Variants in KIFC1 observed in about 807,000 individuals in gnomAD.
KIFC1 encodes kinesin family member C1, also known as kinesin-like protein KIFC1.
In KIFC1, 37 loss-of-function variants were observed where a neutral mutation model predicts 66.6. The ratio of observed to expected loss-of-function variants is 0.56; its 90% CI spans 0.43 to 0.73. The LOEUF (loss-of-function observed/expected upper bound fraction) is 0.73, where lower values mean the gene tolerates loss of function less well. Among genes scored for constraint, KIFC1 ranks in the 30% least tolerant of loss-of-function variants. The pLI, the probability that KIFC1 is intolerant of heterozygous loss-of-function variation, is 0.00. For missense variants in KIFC1, 721 were observed against 859.8 expected (o/e 0.84, Z 2.02); for synonymous variants, 325 against 343.5 (o/e 0.95, Z 0.60).
At chr6:33,396,604 G>A (rs551578517) in intron 1 of KIFC1, among the ~76,000 whole-genome samples, 2 of 151,350 alleles carry the variant, frequency 1.3e-5, no homozygotes, top group African/African-American at 4.9e-5. Flanking sequence ...CATCTGGTTC[G>A]CTAAGGTGGA....
chr6:33,393,387 T>C (rs1349396396), intron 1 of KIFC1, among the ~76,000 whole-genome samples: 1 of 150,842 alleles, frequency 6.6e-6, no homozygotes, highest in Non-Finnish European at 1.5e-5. Flanking sequence ...AGCAGAGAGA[T>C]AAGATTTGTT....
At chr6:33,399,037 T>C (rs1197080543) in intron 3 of KIFC1, among the ~76,000 whole-genome samples, 4 of 152,346 alleles carry the variant, frequency 2.6e-5, no homozygotes, top group South Asian at 2.1e-4. Flanking sequence ...TGGAGTACAG[T>C]TGGCCCTCTG....
chr6:33,404,750 T>A lies in KIFC1; in HGVS notation c.757-102T>A. 1 of 1,091,824 alleles carries A rather than the reference T, an allele frequency of 9.2e-7. No individual in the cohort carries two copies. The highest frequency in any genetic ancestry group is 1.3e-6 in the Non-Finnish European group (1 of 752,206). The allele number at this position is 1,091,824 out of a possible 1,614,324, so 67.6% of individuals were successfully genotyped here. On this transcript the variant is annotated intron_variant, in intron 6 of 10. Transcript: ENST00000428849. This position sits in a 1 kb window ranked among gnomAD's most constrained non-coding sequence, Gnocchi z 4.0. ...TGTTTACCAGACTTTGAGGTCCTTT[T>A]GAGCAGGGACCTCACTTCCACCCAC...
chr6:33,408,076 C>A (rs186201168), intron 10 of KIFC1, among the ~76,000 whole-genome samples: 1 of 152,310 alleles, frequency 6.6e-6, no homozygotes, highest in Admixed American at 6.5e-5. Flanking sequence ...TTTTTTCTAA[C>A]TTTTTATTAA....
chr6:33,397,367 G>A (rs1287583191), intron 1 of KIFC1, among the ~76,000 whole-genome samples: 2 of 145,554 alleles, frequency 1.4e-5, no homozygotes, highest in Non-Finnish European at 1.5e-5. Context: ...GCGTGATCTC[G>A]GCTCACCGCA....
Position 33,400,208 on chromosome 6 carries a change from G to A in KIFC1, c.250+1821G>A, listed in dbSNP as rs1042785564. 5.2e-6 allele frequency: 8 copies of A among 1,553,290 alleles called. No individual in the cohort carries two copies. Among genetic ancestry groups the A allele is most frequent in the East Asian group, 2.2e-5 (1 of 44,484 alleles). On this transcript the variant is annotated intron_variant, in intron 3 of 10. Coordinates refer to ENST00000428849, the MANE Select transcript of KIFC1 (RefSeq NM_002263.4). The surrounding 1 kb of genome is among the most constrained non-coding windows in gnomAD (Gnocchi z 4.3). ...AGTTCTCTGGCTAAGGATCGGTGCC[G>A]CATCTGTCGAGCAATGTTGACGATC...
chr6:33,398,151 C>T lies in KIFC1; in HGVS notation c.135C>T (p.Gly45=). Residue 45 remains glycine, a synonymous_variant, in exon 2 of 11, where the codon GGC becomes GGT. Transcript: ENST00000428849. ...GGAGGCCTGACCAGATGGAAGATGG[C>T]CTGGAGCCTGAGAAGGTGAGCTGGG... ...LKRRPDQMED[G]LEPEKKRTRG... The T allele has an allele frequency of 1.2e-6, 2 of 1,614,098 alleles. No homozygotes were observed. Among genetic ancestry groups the T allele is most frequent in the Non-Finnish European group, 1.7e-6 (2 of 1,180,018 alleles).
chr6:33,404,960 C>G lies in KIFC1; in HGVS notation c.865C>G (p.Arg289Gly). 1 of 1,614,122 alleles carries G rather than the reference C, an allele frequency of 6.2e-7. No homozygotes were observed. The highest frequency in any genetic ancestry group is 1.1e-5 in the South Asian group (1 of 91,088). The change falls in exon 7 of 11, where the codon CGT becomes GGT. Residue 289 changes from arginine to glycine, a missense_variant. Coordinates refer to ENST00000428849, the MANE Select transcript of KIFC1 (RefSeq NM_002263.4). This position sits in a 1 kb window ranked among gnomAD's most constrained non-coding sequence, Gnocchi z 4.0. ...AGCCTTACTGACTGAGCGGGAAGAACGTCTTCATGGGCTAGAAATGGAGCG... is the reference window on the plus strand; with the variant it reads ...AGCCTTACTGACTGAGCGGGAAGAAGGTCTTCATGGGCTAGAAATGGAGCG... The part of the protein sequence containing the change: ...QAALLTEREE[R>G]LHGLEMERRR...
At position 33,398,106 on chromosome 6, in the gene KIFC1, C is replaced by G; in HGVS notation, c.90C>G (p.Leu30=). 2 of 1,614,134 alleles carry G rather than the reference C, an allele frequency of 1.2e-6. No individual in the cohort carries two copies. The highest frequency in any genetic ancestry group is 1.7e-6 in the Non-Finnish European group (2 of 1,180,016). The change falls in exon 2 of 11, where the codon CTC becomes CTG. Residue 30 remains leucine (L), a synonymous_variant. Coordinates refer to ENST00000428849, the MANE Select transcript of KIFC1 (RefSeq NM_002263.4). ...TTAAGGCCCCTTCCCAGCTGCCTCTCTCAGGAAGCAGACTCAAGAGGAGGC... is the reference window on the plus strand; with the variant it reads ...TTAAGGCCCCTTCCCAGCTGCCTCTGTCAGGAAGCAGACTCAAGAGGAGGC... ...PLIKAPSQLP[L]SGSRLKRRPD...
intron 1 of KIFC1, 131 bp downstream of exon 1, chr6:33,392,128 C>T (rs1774818232): frequency 2.9e-6 from 3 of 1,039,800 alleles, no homozygotes; most frequent in South Asian, 3.0e-5. Flanking sequence ...CCGTGCGCCC[C>T]CGCACAAGTG....
Position 33,401,196 on chromosome 6 carries a change from G to A in KIFC1, c.251-2118G>A, listed in dbSNP as rs546189262. Among the ~76,000 whole-genome samples the A allele has an allele frequency of 7.9e-5, 12 of 151,844 alleles. No individual in the cohort carries two copies. The highest frequency in any genetic ancestry group is 3.4e-3 in the Middle Eastern group (1 of 294). Reference sequence around the variant, plus strand: ...TTCGCCCAGGCTGGAGTGCAATGGCGTGATCTCGGCTCAGTGTAACCTCCG... The same window carrying A: ...TTCGCCCAGGCTGGAGTGCAATGGCATGATCTCGGCTCAGTGTAACCTCCG... On this transcript the variant is annotated intron_variant, in intron 3 of 10. Transcript: ENST00000428849. The surrounding 1 kb of genome is among the most constrained non-coding windows in gnomAD (Gnocchi z 4.5).
chr6:33,392,498 G>A (rs1774838707), intron 1 of KIFC1, among the ~76,000 whole-genome samples: 1 of 152,190 alleles, frequency 6.6e-6, no homozygotes, highest in Admixed American at 6.5e-5. Context: ...TGGGCCAAAA[G>A]ACTTCTCATT....
At position 33,405,536 on chromosome 6, in the gene KIFC1, C is replaced by A. The variant is rs1554299777; in HGVS notation, c.1441C>A (p.Gln481Lys). The A allele has an allele frequency of 1.2e-6, 2 of 1,609,502 alleles. No individual in the cohort carries two copies. The highest frequency in any genetic ancestry group is 3.4e-5 in the Admixed American group (2 of 59,456). Residue 481 changes from glutamine (Q) to lysine (K), a missense_variant, in exon 7 of 11, where the codon CAA (glutamine) becomes AAA (lysine). Coordinates refer to ENST00000428849, the MANE Select transcript of KIFC1 (RefSeq NM_002263.4). This position sits in a 1 kb window ranked among gnomAD's most constrained non-coding sequence, Gnocchi z 5.4. ...DLLATGTRKG[Q>K]GGECEIRRAG... ...GCTGGCCACTGGAACCCGGAAGGGT[C>A]AAGGGGGCGAGTGTGAGATTCGCCG...
Position 33,391,958 on chromosome 6 carries a change from C to T in KIFC1, c.-28C>T, listed in dbSNP as rs747951649. 6 of 1,613,898 alleles carry T rather than the reference C, an allele frequency of 3.7e-6. No homozygotes were observed. The highest frequency in any genetic ancestry group is 5.1e-6 in the Non-Finnish European group (6 of 1,179,914). On this transcript the variant is annotated 5_prime_UTR_variant, in exon 1 of 11. Coordinates refer to ENST00000428849, the MANE Select transcript of KIFC1 (RefSeq NM_002263.4). Reference sequence around the variant, plus strand: ...CACCCAGTTCTCTTCCACTGCATTCCCCCGGCGCGTGTGGGACCGAGGTGG... The same window carrying T: ...CACCCAGTTCTCTTCCACTGCATTCTCCCGGCGCGTGTGGGACCGAGGTGG...
intron 10 of KIFC1, chr6:33,407,105 A>T: frequency 2.2e-6 from 3 of 1,394,554 alleles, no homozygotes; most frequent in Non-Finnish European, 2.8e-6. Context: ...AAAAAAGAAA[A>T]GGTGACTAAA....
Position 33,403,254 on chromosome 6 carries a change from G to A in KIFC1, c.251-60G>A, listed in dbSNP as rs539564456. 156 of 1,447,486 alleles carry A rather than the reference G, an allele frequency of 1.1e-4. No homozygotes were observed. In the East Asian group the frequency reaches 3.4e-3, roughly 32 times the overall value. The allele number at this position is 1,447,486 out of a possible 1,614,324, so 89.7% of individuals were successfully genotyped here. A position where few individuals can be genotyped will look rare whatever the true frequency, so the allele number is the denominator to read the frequency against. ...ACTTCTTCTGCCCCTGTCCTAGCAA[G>A]TGTACATGCCATCTTAAGAATGATC... On this transcript the variant is annotated intron_variant, in intron 3 of 10. Transcript: ENST00000428849. This position sits in a 1 kb window ranked among gnomAD's most constrained non-coding sequence, Gnocchi z 4.6.
intron 10 of KIFC1, among the ~76,000 whole-genome samples, chr6:33,409,321 T>C (rs192420273): frequency 6.2e-4 from 95 of 152,324 alleles, no homozygotes; most frequent in Middle Eastern, 6.8e-3. Flanking sequence ...ATGGGTGTTA[T>C]TACTATTTTA....
In KIFC1 at chr6:33,406,960, G is replaced by C. The variant is rs1383270936; in HGVS notation, c.1977+85G>C. 2.7e-5 allele frequency: 42 copies of C among 1,583,790 alleles called. No individual in the cohort carries two copies. Among genetic ancestry groups the C allele is most frequent in the Non-Finnish European group, 3.6e-5 (42 of 1,163,512 alleles). The stretch of plus-strand genomic sequence containing the variant: ...CCAATCCCTTTTGTCTTCTAGGGCA[G>C]GGAGCACATTTGTGCAGAAAGGTTT... On this transcript the variant is annotated intron_variant, in intron 10 of 10. Transcript: ENST00000428849. The surrounding 1 kb of genome is among the most constrained non-coding windows in gnomAD (Gnocchi z 4.5).
chr6:33,391,576 C>T (rs114726194), upstream of KIFC1: 2,357 of 259,380 alleles, frequency 9.1e-3, 56 homozygotes, highest in African/African-American at 0.049. Context: ...CGAGCGACGG[C>T]GGGGAGCCGA....
Sources: allele counts gnomAD v4.1 joint callset (sites outside exome capture counted in the v4.1 genomes callset), GRCh38; gene constraint gnomAD v4.1.1; non-coding constraint Gnocchi (gnomAD v3.1); transcripts MANE v1.5; gene names NCBI Gene and HGNC (gene_info 2026-07-23, HGNC 2026-07-21).